The following OTOG variants were observed in gnomAD, a reference collection of about 807,000 sequenced individuals.
The protein encoded by OTOG is otogelin.
A neutral mutation model predicts 313.8 loss-of-function variants in OTOG; 296 were observed. The ratio of observed to expected loss-of-function variants is 0.94; its 90% CI spans 0.86 to 1.04. The LOEUF is 1.04. Among genes scored for constraint, OTOG ranks in the 50% least tolerant of loss-of-function variants. The probability of loss-of-function intolerance (pLI) is 0.00; values close to 1 mark genes in which losing one functional copy is unlikely to be tolerated. For missense variants in OTOG, 3,948 were observed against 3,840.1 expected (o/e 1.03, Z -0.74); for synonymous variants, 1,533 against 1,554.9 (o/e 0.99, Z 0.33).
At chr11:17,609,086 G>A (rs1853460574) in intron 34 of OTOG, 44 bp from the exon 35 acceptor site, 2 of 1,452,964 alleles carry the variant, frequency 1.4e-6, no homozygotes, top group Non-Finnish European at 9.4e-7. Context: ...AGATGGCCCT[G>A]CCTGTATTTC....
At chr11:17,574,011 G>C (rs958995786) in intron 19 of OTOG, among the ~76,000 whole-genome samples, 44 of 152,208 alleles carry the variant, frequency 2.9e-4, no homozygotes, top group African/African-American at 1.0e-3. Flanking sequence ...TCACACATCT[G>C]GGCCACATCG....
chr11:17,634,728 G>C (rs1387793704), intron 44 of OTOG, 116 bp from the exon 45 acceptor site: 4 of 807,400 alleles, frequency 5.0e-6, no homozygotes, highest in South Asian at 3.5e-5. Context: ...CCTGGGGGCT[G>C]GGGGGAGGAG....
At chr11:17,560,646 A>C in intron 12 of OTOG, 63 bp from the exon 13 acceptor site, 1 of 1,193,440 alleles carries the variant, frequency 8.4e-7, no homozygotes, top group Non-Finnish European at 1.2e-6. Flanking sequence ...GGCCCTGGGG[A>C]GCCACGAATG....
intron 15 of OTOG, among the ~76,000 whole-genome samples, chr11:17,568,797 G>A (rs1388447889): frequency 6.6e-6 from 1 of 152,168 alleles, no homozygotes; most frequent in East Asian, 1.9e-4. Flanking sequence ...ACCCACAAAG[G>A]GATGAAATTA....
At chr11:17,551,855 C>T (rs908279927) in intron 3 of OTOG, 145 bp from the exon 4 acceptor site, 69 of 678,974 alleles carry the variant, frequency 1.0e-4, no homozygotes, top group Admixed American at 9.7e-4. Flanking sequence ...GGGGGCCAGG[C>T]GAGGAGGAGT....
In OTOG at chr11:17,559,567, A is replaced by G; in HGVS notation, c.1247A>G (p.Asn416Ser). ...TGCAAGGAGAAGGCCTTTACCTACAATGAGTGCATCGCCTGCTGCCCTGCC... is the reference window on the plus strand; with the variant it reads ...TGCAAGGAGAAGGCCTTTACCTACAGTGAGTGCATCGCCTGCTGCCCTGCC... ...VHCKEKAFTY[N>S]ECIACCPASC... Residue 416 changes from asparagine to serine, a missense_variant, in exon 12 of 56, where the codon AAT becomes AGT. Coordinates refer to ENST00000399397, the MANE Select transcript of OTOG (RefSeq NM_001292063.2). 2 of 1,550,620 alleles carry G rather than the reference A, an allele frequency of 1.3e-6. No individual in the cohort carries two copies. Among genetic ancestry groups the G allele is most frequent in the Non-Finnish European group, 1.7e-6 (2 of 1,147,012 alleles).
At chr11:17,594,351 T>G (rs1203324660) in intron 28 of OTOG, among the ~76,000 whole-genome samples, 185 bp downstream of exon 28, 1 of 152,208 alleles carries the variant, frequency 6.6e-6, no homozygotes, top group Non-Finnish European at 1.5e-5. Flanking sequence ...TGCATAGTCT[T>G]GTCTCACAAA....
chr11:17,629,714 AG>A (rs1202828527), intron 40 of OTOG, among the ~76,000 whole-genome samples: 1 of 152,202 alleles, frequency 6.6e-6, no homozygotes, highest in African/African-American at 2.4e-5. Flanking sequence ...TAAAGAAGAA[AG>A]GGGGCTCAGA....
At chr11:17,576,845 C>T (rs1852540512) in intron 21 of OTOG, 23 bp from the exon 22 acceptor site, 2 of 1,550,034 alleles carry the variant, frequency 1.3e-6, no homozygotes, top group Middle Eastern at 1.7e-4. Context: ...TCGGCTAACC[C>T]CAGGGCCCGT....
At chr11:17,584,469 C>A (rs746649460) in intron 23 of OTOG, among the ~76,000 whole-genome samples, 1 of 150,992 alleles carries the variant, frequency 6.6e-6, no homozygotes, top group African/African-American at 2.4e-5. Flanking sequence ...GGGGAAGTTT[C>A]TTTTTATTTC....
chr11:17,606,228 C>A, intron 33 of OTOG, 93 bp downstream of exon 33: 1 of 1,397,918 alleles, frequency 7.2e-7, no homozygotes, highest in Non-Finnish European at 9.4e-7. Context: ...CCAATTACCC[C>A]TAAGAAGCAG....
intron 42 of OTOG, among the ~76,000 whole-genome samples, chr11:17,632,778 A>G (rs919034338): frequency 2.6e-5 from 4 of 152,156 alleles, no homozygotes; most frequent in Admixed American, 1.3e-4. Flanking sequence ...GGGCTAGGGT[A>G]GCTTGATTTA....
intron 42 of OTOG, 67 bp downstream of exon 42, chr11:17,632,293 A>G: frequency 6.8e-7 from 1 of 1,480,514 alleles, no homozygotes; most frequent in South Asian, 1.3e-5. Flanking sequence ...AAAGTGGGAA[A>G]AGGCTCCCGG....
At chr11:17,587,029 A>G (rs954779330) in intron 24 of OTOG, among the ~76,000 whole-genome samples, 84 of 152,228 alleles carry the variant, frequency 5.5e-4, no homozygotes, top group Non-Finnish European at 1.1e-3. Context: ...ATTTTTGTGC[A>G]TATGGATCCA....
At chr11:17,619,412 A>T (rs1261927925) in intron 39 of OTOG, among the ~76,000 whole-genome samples, 3 of 152,216 alleles carry the variant, frequency 2.0e-5, no homozygotes, top group South Asian at 4.1e-4. Context: ...GGTCCTCAAC[A>T]TAGTGATGTT....
intron 29 of OTOG, 47 bp from the exon 30 acceptor site, chr11:17,596,804 G>A (rs1337295361): frequency 6.6e-7 from 1 of 1,503,944 alleles, no homozygotes; most frequent in African/African-American, 1.4e-5. Flanking sequence ...ATGCAGATCT[G>A]ACATTTGGGA....
intron 8 of OTOG, among the ~76,000 whole-genome samples, chr11:17,557,578 A>G (rs568579556): frequency 3.2e-4 from 48 of 152,298 alleles, no homozygotes; most frequent in African/African-American, 1.1e-3. Context: ...GGGGGATCTA[A>G]TAGACACTTT....
intron 29 of OTOG, 145 bp downstream of exon 29, chr11:17,596,299 C>G: frequency 1.5e-6 from 1 of 662,990 alleles, no homozygotes; most frequent in Non-Finnish European, 2.7e-6. Context: ...TGCCTCCAGC[C>G]AGCTCAGATG....
intron 7 of OTOG, among the ~76,000 whole-genome samples, chr11:17,556,566 A>G (rs1852061705): frequency 6.6e-6 from 1 of 152,194 alleles, no homozygotes; most frequent in Non-Finnish European, 1.5e-5. Flanking sequence ...GGCTGAGTGT[A>G]AAATTGATGG....
Sources: allele counts gnomAD v4.1 joint callset (sites outside exome capture counted in the v4.1 genomes callset), GRCh38; gene constraint gnomAD v4.1.1; transcripts MANE v1.5; gene names NCBI Gene and HGNC (gene_info 2026-07-23, HGNC 2026-07-21).